CADM2: variants seen among roughly 807,000 people sequenced by gnomAD.
The protein encoded by CADM2 is cell adhesion molecule 2.
Under a neutral mutation model 49.8 loss-of-function variants are expected in CADM2, and 12 were observed. The observed-to-expected ratio is 0.24, with a 90% CI of 0.15 to 0.39. The LOEUF (loss-of-function observed/expected upper bound fraction) is 0.39, where lower values mean the gene tolerates loss of function less well. Ranked by LOEUF, CADM2 falls within the 10% of genes least tolerant of loss-of-function variation. The probability of loss-of-function intolerance (pLI) is 1.00; values close to 1 mark genes in which losing one functional copy is unlikely to be tolerated. For synonymous variants in CADM2, 214 were observed against 175.4 expected (o/e 1.22, Z -1.74); for missense variants, 378 against 492.3 (o/e 0.77, Z 2.20).
At position 85,489,806 on chromosome 3, in the gene CADM2, TGAGA is replaced by T. The variant is rs60906747; in HGVS notation, c.62-236698_62-236695del. On this transcript the variant is annotated intron_variant, in intron 1 of 9. Coordinates refer to ENST00000383699, the MANE Select transcript of CADM2 (RefSeq NM_001167675.2). ...TATTTAACGTGTGTGTGTGTGTGTG[TGAGA>T]GAGAGAGAGAGAGAGAGCAAAGCGA... 3.3e-3 allele frequency among the ~76,000 whole-genome samples: 479 copies of T among 143,976 alleles called. 2 individuals are homozygous for T. Among genetic ancestry groups the T allele is most frequent in the African/African-American group, 7.6e-3 (298 of 39,060 alleles). The allele number at this position is 143,976 out of a possible 152,430, so 94.5% of individuals were successfully genotyped here.
chr3:85,630,638 T>C (rs1314002506), intron 1 of CADM2, among the ~76,000 whole-genome samples: 1 of 152,076 alleles, frequency 6.6e-6, no homozygotes, highest in African/African-American at 2.4e-5. Flanking sequence ...AGTCCCAAGA[T>C]CATACTTTGA....
intron 8 of CADM2, among the ~76,000 whole-genome samples, chr3:86,021,789 AAGAT>A (rs1428305165): frequency 7.2e-5 from 11 of 152,324 alleles, no homozygotes; most frequent in Admixed American, 6.5e-4. Flanking sequence ...CAACTATACA[AAGAT>A]AGAGAACAAA....
At chr3:85,114,551 T>G (rs2038574293) in intron 1 of CADM2, among the ~76,000 whole-genome samples, 1 of 152,212 alleles carries the variant, frequency 6.6e-6, no homozygotes, top group Admixed American at 6.5e-5. Context: ...GTTCTGAAAG[T>G]AACCTGTCTA....
At chr3:85,902,219 A>G (rs918114470) in intron 5 of CADM2, among the ~76,000 whole-genome samples, 5 of 152,036 alleles carry the variant, frequency 3.3e-5, no homozygotes, top group African/African-American at 7.2e-5. Context: ...AGATGTATAC[A>G]TACTTATAAT....
intron 1 of CADM2, among the ~76,000 whole-genome samples, chr3:85,116,048 C>T (rs962422350): frequency 3.9e-5 from 6 of 152,214 alleles, no homozygotes; most frequent in African/African-American, 1.4e-4. Flanking sequence ...GTGCGTGGGC[C>T]AGGCACAGTG....
At chr3:85,683,863 ATAAG>A (rs1356272467) in intron 1 of CADM2, among the ~76,000 whole-genome samples, 2 of 152,116 alleles carry the variant, frequency 1.3e-5, no homozygotes, top group Non-Finnish European at 2.9e-5. Context: ...CTCTTGGAGG[ATAAG>A]TCTTTTGAAC....
At chr3:85,762,613 C>CTCTCTCTCTCTCTCTCTCTG (rs138508303) in intron 2 of CADM2, among the ~76,000 whole-genome samples, 7 of 147,976 alleles carry the variant, frequency 4.7e-5, no homozygotes, top group Non-Finnish European at 7.4e-5. Flanking sequence ...CTCTCTCTCT[C>CTCTCTCTCTCTCTCTCTCTG]TCTCTCTCTG....
At chr3:85,427,620 T>C (rs1290007838) in intron 1 of CADM2, among the ~76,000 whole-genome samples, 1 of 152,122 alleles carries the variant, frequency 6.6e-6, no homozygotes, top group Non-Finnish European at 1.5e-5. Flanking sequence ...GATCCTTCAA[T>C]TGTAATGTAA....
At chr3:85,391,662 C>T (rs1203887927) in intron 1 of CADM2, among the ~76,000 whole-genome samples, 1 of 152,082 alleles carries the variant, frequency 6.6e-6, no homozygotes, top group Non-Finnish European at 1.5e-5. Flanking sequence ...AAAGTGCCAA[C>T]CAAGCAAGCA....
chr3:85,622,975 T>C (rs1327952857), intron 1 of CADM2, among the ~76,000 whole-genome samples: 2 of 152,106 alleles, frequency 1.3e-5, no homozygotes, highest in East Asian at 1.9e-4. Flanking sequence ...GCTCTTTCAA[T>C]AGGTGAGTAT....
At chr3:85,394,733 T>A (rs1037196041) in intron 1 of CADM2, among the ~76,000 whole-genome samples, 1 of 152,192 alleles carries the variant, frequency 6.6e-6, no homozygotes, top group Non-Finnish European at 1.5e-5. Context: ...TCATTCTTTA[T>A]AAGCTATTCA....
At chr3:85,280,219 AT>A (rs1173698261) in intron 1 of CADM2, among the ~76,000 whole-genome samples, 1 of 151,548 alleles carries the variant, frequency 6.6e-6, no homozygotes, top group Non-Finnish European at 1.5e-5. Flanking sequence ...AATTCACTCT[AT>A]TTTTATTGTG....
chr3:85,169,782 T>C (rs2040571378), intron 1 of CADM2, among the ~76,000 whole-genome samples: 1 of 152,084 alleles, frequency 6.6e-6, no homozygotes, highest in South Asian at 2.1e-4. Context: ...TTCATATTTT[T>C]AAAATAAAAA....
chr3:85,178,640 C>A (rs1170534564), intron 1 of CADM2, among the ~76,000 whole-genome samples: 1 of 151,818 alleles, frequency 6.6e-6, no homozygotes, highest in East Asian at 1.9e-4. Context: ...TCAGAAAATT[C>A]AAGTTGTAGT....
chr3:85,473,486 A>T (rs2107613379), intron 1 of CADM2, among the ~76,000 whole-genome samples: 1 of 152,194 alleles, frequency 6.6e-6, no homozygotes, highest in Middle Eastern at 3.4e-3. Flanking sequence ...ACAGTTAAGA[A>T]AGCGTTACAA....
chr3:85,420,003 A>G (rs547107843), intron 1 of CADM2, among the ~76,000 whole-genome samples: 38 of 152,192 alleles, frequency 2.5e-4, no homozygotes, highest in Middle Eastern at 6.8e-3. Flanking sequence ...CACAGTTTGA[A>G]AAACCACATA....
chr3:85,663,812 C>A (rs2065481266), intron 1 of CADM2, among the ~76,000 whole-genome samples: 1 of 152,006 alleles, frequency 6.6e-6, no homozygotes. Context: ...ATATTTACCA[C>A]AAAGATCCTC....
chr3:85,796,863 A>G (rs79730613), intron 2 of CADM2, among the ~76,000 whole-genome samples: 8,240 of 152,114 alleles, frequency 0.054, 639 homozygotes, highest in African/African-American at 0.17. Flanking sequence ...TTAAGAGGCC[A>G]AGATGGGCTT....
At chr3:86,038,241 T>G (rs979878103) in intron 8 of CADM2, among the ~76,000 whole-genome samples, 1 of 152,204 alleles carries the variant, frequency 6.6e-6, no homozygotes, top group Non-Finnish European at 1.5e-5. Context: ...GTTAAATCCA[T>G]GAAGTTAGCT....
Sources: gnomAD v4.1 joint callset for allele counts (sites outside exome capture counted in the v4.1 genomes callset) on GRCh38, gnomAD v4.1.1 for gene constraint, MANE v1.5 for transcripts, NCBI Gene and HGNC (gene_info 2026-07-23, HGNC 2026-07-21) for gene names.